CDH8: variants seen among roughly 807,000 people sequenced by gnomAD.
The protein encoded by CDH8 is cadherin-8.
Under a neutral mutation model 68.1 loss-of-function variants are expected in CDH8, and 17 were observed. The ratio of observed to expected loss-of-function variants is 0.25; its 90% CI spans 0.17 to 0.37. The LOEUF (loss-of-function observed/expected upper bound fraction) is 0.37, where lower values mean the gene tolerates loss of function less well. Among genes scored for constraint, CDH8 ranks in the 10% least tolerant of loss-of-function variants. The pLI is 1.00. For synonymous variants in CDH8, 372 were observed against 365.1 expected, an observed-to-expected ratio of 1.02 and a Z score of -0.21; for missense variants, 763 against 999.3, an observed-to-expected ratio of 0.76 and a Z score of 3.19.
intron 2 of CDH8, among the ~76,000 whole-genome samples, chr16:61,982,855 T>C (rs924799028): frequency 1.3e-5 from 2 of 152,178 alleles, no homozygotes; most frequent in South Asian, 4.1e-4. Flanking sequence ...TCCTTTAGCT[T>C]ATGAGTGAGC....
intron 3 of CDH8, among the ~76,000 whole-genome samples, chr16:61,888,255 T>C (rs1035461160): frequency 6.6e-6 from 1 of 152,130 alleles, no homozygotes. Context: ...TGCAGACTAC[T>C]CAAGGCATGG....
chr16:61,958,363 A>G (rs1965021467), intron 2 of CDH8, among the ~76,000 whole-genome samples: 1 of 152,210 alleles, frequency 6.6e-6, no homozygotes, highest in South Asian at 2.1e-4. Context: ...GAGTATGATG[A>G]TATGTGGGAA....
intron 7 of CDH8, among the ~76,000 whole-genome samples, chr16:61,813,708 T>A (rs968945836): frequency 6.6e-6 from 1 of 152,172 alleles, no homozygotes; most frequent in Admixed American, 6.5e-5. Flanking sequence ...AATAAAATCC[T>A]GTCCTACTCA....
At chr16:61,658,380 T>C (rs1160327666) in intron 10 of CDH8, among the ~76,000 whole-genome samples, 1 of 151,978 alleles carries the variant, frequency 6.6e-6, no homozygotes, top group South Asian at 2.1e-4. Flanking sequence ...TAATTAGTGT[T>C]TTCAAGACTT....
chr16:61,699,204 C>G (rs1250670731), intron 10 of CDH8, among the ~76,000 whole-genome samples: 1 of 152,116 alleles, frequency 6.6e-6, no homozygotes, highest in African/African-American at 2.4e-5. Context: ...AAGAAAGGGT[C>G]CTGGTAAGAG....
chr16:61,720,601 G>A lies in CDH8; in HGVS notation c.1536+6493C>T, dbSNP rs192021350. Among the ~76,000 whole-genome samples the A allele has an allele frequency of 3.1e-3, 474 of 150,864 alleles. 4 individuals carry two copies. The highest frequency in any genetic ancestry group is 2.1e-3 in the Non-Finnish European group (139 of 67,150). ...CATACAGAACTGCAAGTAAAACTTC[G>A]AAAGGTTTAGGTAGAATGTGTTTCT... On this transcript the variant is annotated intron_variant, in intron 9 of 11. Transcript: ENST00000577390.
chr16:61,960,912 T>C (rs1054035148), intron 2 of CDH8, among the ~76,000 whole-genome samples: 2 of 152,220 alleles, frequency 1.3e-5, no homozygotes, highest in South Asian at 2.1e-4. Flanking sequence ...AATAAAGTTA[T>C]GAAAGTTCTA....
intron 2 of CDH8, among the ~76,000 whole-genome samples, chr16:61,951,396 C>G (rs931847329): frequency 6.6e-6 from 1 of 151,414 alleles, no homozygotes; most frequent in Non-Finnish European, 1.5e-5. Context: ...GCCTATAGTC[C>G]CAGCTACTTG....
chr16:61,866,938 T>C (rs1010342618), intron 3 of CDH8, among the ~76,000 whole-genome samples: 1 of 151,766 alleles, frequency 6.6e-6, no homozygotes, highest in African/African-American at 2.4e-5. Context: ...TGGCTGTTCG[T>C]TTTTTTTGTC....
At chr16:61,904,711 A>T (rs1296520420) in intron 2 of CDH8, among the ~76,000 whole-genome samples, 1 of 152,224 alleles carries the variant, frequency 6.6e-6, no homozygotes, top group Non-Finnish European at 1.5e-5. Flanking sequence ...GGCTATGTGA[A>T]TCACTTCTCA....
At chr16:61,712,902 C>T (rs570076774) in intron 10 of CDH8, among the ~76,000 whole-genome samples, 1 of 151,720 alleles carries the variant, frequency 6.6e-6, no homozygotes, top group African/African-American at 2.4e-5. Flanking sequence ...TCAAGATTCA[C>T]TATCCCTTTA....
chr16:61,812,030 T>C (rs550346449), intron 7 of CDH8, among the ~76,000 whole-genome samples: 1 of 152,258 alleles, frequency 6.6e-6, no homozygotes, highest in East Asian at 1.9e-4. Flanking sequence ...TCTTATAAGA[T>C]AGTGGATCCC....
chr16:62,013,261 CAAAAA>C (rs1165564723), intron 2 of CDH8, among the ~76,000 whole-genome samples: 5 of 6,406 alleles, frequency 7.8e-4, no homozygotes, highest in African/African-American at 3.7e-3. Flanking sequence ...GACTCCGTCT[CAAAAA>C]AAAAAAAAAA....
At chr16:61,769,679 G>T (rs931751167) in intron 8 of CDH8, among the ~76,000 whole-genome samples, 1 of 151,736 alleles carries the variant, frequency 6.6e-6, no homozygotes, top group African/African-American at 2.4e-5. Flanking sequence ...CCACCTCTTT[G>T]ACTTTTAAAA....
At chr16:61,668,135 A>G (rs1369466163) in intron 10 of CDH8, among the ~76,000 whole-genome samples, 1 of 152,034 alleles carries the variant, frequency 6.6e-6, no homozygotes, top group Non-Finnish European at 1.5e-5. Context: ...ACTATACTCT[A>G]TAGATCTAAA....
intron 9 of CDH8, among the ~76,000 whole-genome samples, chr16:61,714,785 T>A (rs1964692890): frequency 6.6e-6 from 1 of 151,686 alleles, no homozygotes; most frequent in African/African-American, 2.4e-5. Context: ...AAAGTTTGAA[T>A]GTATACTCCT....
intron 7 of CDH8, among the ~76,000 whole-genome samples, chr16:61,803,208 G>T (rs1961701413): frequency 9.2e-6 from 1 of 108,790 alleles, no homozygotes. Context: ...TTCATATCCA[G>T]CCAAACTAAG....
intron 8 of CDH8, among the ~76,000 whole-genome samples, chr16:61,753,617 G>C (rs894242437): frequency 1.3e-5 from 2 of 152,122 alleles, no homozygotes; most frequent in African/African-American, 4.8e-5. Context: ...TATTCATAAA[G>C]AGGCCCTTAG....
intron 8 of CDH8, among the ~76,000 whole-genome samples, chr16:61,734,474 T>C (rs1279388813): frequency 1.3e-5 from 2 of 152,126 alleles, no homozygotes; most frequent in Admixed American, 6.6e-5. Flanking sequence ...CCAGAGTTTG[T>C]ATTTTCGTGG....
Sources: allele counts gnomAD v4.1 joint callset (sites outside exome capture counted in the v4.1 genomes callset), GRCh38; gene constraint gnomAD v4.1.1; transcripts MANE v1.5; gene names NCBI Gene and HGNC (gene_info 2026-07-23, HGNC 2026-07-21).